Variants in LRRTM4 observed in about 807,000 individuals in gnomAD.
LRRTM4 encodes the protein leucine rich repeat transmembrane neuronal 4.
In LRRTM4, 25 loss-of-function variants were observed where a neutral mutation model predicts 47.6. The observed-to-expected ratio is 0.53, with a 90% confidence interval of 0.38 to 0.73. The LOEUF (loss-of-function observed/expected upper bound fraction) is 0.73, where lower values mean the gene tolerates loss of function less well. Among genes scored for constraint, LRRTM4 ranks in the 30% least tolerant of loss-of-function variants. LRRTM4 has a pLI of 0.00. For missense variants in LRRTM4, 638 were observed against 713.4 expected, an observed-to-expected ratio of 0.89 and a Z score of 1.20; for synonymous variants, 311 against 269.5, an observed-to-expected ratio of 1.15 and a Z score of -1.51.
chr2:76,907,334 T>C (rs1201800708), intron 3 of LRRTM4, among the ~76,000 whole-genome samples: 3 of 150,970 alleles, frequency 2.0e-5, no homozygotes, highest in African/African-American at 7.3e-5. Context: ...CTGGGACGCA[T>C]TCAAAGTAGT....
At chr2:76,994,576 A>G (rs1432791388) in intron 3 of LRRTM4, among the ~76,000 whole-genome samples, 1 of 151,840 alleles carries the variant, frequency 6.6e-6, no homozygotes, top group Non-Finnish European at 1.5e-5. Context: ...AGGCTAACCT[A>G]TTTGCTTGTA....
At chr2:76,946,971 A>G (rs1388447997) in intron 3 of LRRTM4, among the ~76,000 whole-genome samples, 1 of 151,918 alleles carries the variant, frequency 6.6e-6, no homozygotes, top group Non-Finnish European at 1.5e-5. Context: ...TGAAAACATT[A>G]CAGTGTAACC....
At chr2:76,936,599 A>T (rs938061088) in intron 3 of LRRTM4, among the ~76,000 whole-genome samples, 11 of 150,938 alleles carry the variant, frequency 7.3e-5, no homozygotes, top group Non-Finnish European at 1.2e-4. Flanking sequence ...AAAAAAAAAA[A>T]AAGAAAGAAA....
At chr2:76,979,016 G>T (rs1250752232) in intron 3 of LRRTM4, among the ~76,000 whole-genome samples, 1 of 151,996 alleles carries the variant, frequency 6.6e-6, no homozygotes, top group Non-Finnish European at 1.5e-5. Context: ...CAGAGTGGAG[G>T]AAAAGGACTT....
At chr2:77,425,743 C>G (rs1196906042) in intron 3 of LRRTM4, among the ~76,000 whole-genome samples, 1 of 152,132 alleles carries the variant, frequency 6.6e-6, no homozygotes, top group Non-Finnish European at 1.5e-5. Context: ...TCTACATGGT[C>G]TATATCCAGC....
intron 3 of LRRTM4, among the ~76,000 whole-genome samples, chr2:77,051,028 T>TCAAA (rs1679415195): frequency 6.6e-6 from 1 of 151,322 alleles, no homozygotes. Flanking sequence ...TTTTTTTTTT[T>TCAAA]AAAATAGATA....
chr2:77,482,332 T>A (rs2104021074), intron 3 of LRRTM4, among the ~76,000 whole-genome samples: 1 of 152,274 alleles, frequency 6.6e-6, no homozygotes, highest in East Asian at 1.9e-4. Flanking sequence ...ACATGAGATT[T>A]TTGAGACTTC....
At chr2:77,100,109 CAT>C (rs1454822132) in intron 3 of LRRTM4, among the ~76,000 whole-genome samples, 1 of 152,134 alleles carries the variant, frequency 6.6e-6, no homozygotes, top group Non-Finnish European at 1.5e-5. Flanking sequence ...ATCATTTACA[CAT>C]TAACCTCCTT....
intron 3 of LRRTM4, among the ~76,000 whole-genome samples, chr2:77,040,596 C>A (rs577569230): frequency 2.0e-5 from 3 of 151,348 alleles, no homozygotes; most frequent in African/African-American, 4.8e-5. Context: ...ATGGCAGTTG[C>A]AAAGGCTTAT....
At chr2:77,439,508 AC>A (rs1039805116) in intron 3 of LRRTM4, among the ~76,000 whole-genome samples, 6 of 152,128 alleles carry the variant, frequency 3.9e-5, no homozygotes, top group Non-Finnish European at 5.9e-5. Flanking sequence ...TAGAAAAAAA[AC>A]ATTTCTGAGG....
At chr2:77,031,705 GAAC>G (rs774383257) in intron 3 of LRRTM4, among the ~76,000 whole-genome samples, 1 of 150,080 alleles carries the variant, frequency 6.7e-6, no homozygotes, top group Non-Finnish European at 1.5e-5. Context: ...AGTCAATAAT[GAAC>G]ACCATGTGAT....
intron 3 of LRRTM4, among the ~76,000 whole-genome samples, chr2:76,904,782 G>A (rs1275541987): frequency 6.6e-6 from 1 of 152,080 alleles, no homozygotes; most frequent in East Asian, 1.9e-4. Context: ...AAAAATGAAA[G>A]GGGAGGTATA....
In LRRTM4 at chr2:76,989,235, T is replaced by G. The variant is rs114369760; in HGVS notation, c.1552-240319A>C. On this transcript the variant is annotated intron_variant, in intron 3 of 3. Coordinates refer to ENST00000409884, the MANE Select transcript of LRRTM4 (RefSeq NM_001134745.3). ...ACTGAGTAGCAGGTAGATTGAAAAT[T>G]TAATAATCTATTTAATATGGTATCT... 2.2e-3 allele frequency among the ~76,000 whole-genome samples: 327 copies of G among 151,926 alleles called. 7 individuals carry two copies. The highest frequency in any genetic ancestry group is 7.6e-3 in the African/African-American group (317 of 41,516).
chr2:76,854,532 AAAAC>A (rs763974175), intron 3 of LRRTM4, among the ~76,000 whole-genome samples: 47 of 152,270 alleles, frequency 3.1e-4, no homozygotes, highest in African/African-American at 9.4e-4. Context: ...CTGAGGGCAA[AAAAC>A]AAACAAACAA....
chr2:77,336,344 T>A (rs1671168751), intron 3 of LRRTM4, among the ~76,000 whole-genome samples: 1 of 151,852 alleles, frequency 6.6e-6, no homozygotes, highest in Admixed American at 6.6e-5. Context: ...AAGGGGCACA[T>A]TTTTGCCACA....
At chr2:76,890,101 C>CAA (rs151336449) in intron 3 of LRRTM4, among the ~76,000 whole-genome samples, 1,802 of 152,046 alleles carry the variant, frequency 0.012, 42 homozygotes, top group African/African-American at 0.041. Flanking sequence ...CACACACTAT[C>CAA]AAAAGCAAGA....
intron 3 of LRRTM4, among the ~76,000 whole-genome samples, chr2:76,984,080 A>G (rs1676707897): frequency 6.6e-6 from 1 of 152,054 alleles, no homozygotes. Context: ...ACAATGATGA[A>G]TTATTTATAC....
At chr2:76,868,074 C>G (rs375235553) in intron 3 of LRRTM4, among the ~76,000 whole-genome samples, 5 of 152,122 alleles carry the variant, frequency 3.3e-5, no homozygotes, top group Non-Finnish European at 7.3e-5. Context: ...CCGTCCTACA[C>G]AGGATATTAG....
intron 3 of LRRTM4, among the ~76,000 whole-genome samples, chr2:76,763,506 T>C (rs1673338481): frequency 6.6e-6 from 1 of 152,334 alleles, no homozygotes; most frequent in Middle Eastern, 3.4e-3. Context: ...CCTACCTTAA[T>C]AGCACCTTAA....
Sources: allele counts gnomAD v4.1 joint callset (sites outside exome capture counted in the v4.1 genomes callset), GRCh38; gene constraint gnomAD v4.1.1; transcripts MANE v1.5; gene names NCBI Gene and HGNC (gene_info 2026-07-23, HGNC 2026-07-21).